The following C12orf54 variants were observed in gnomAD, a reference collection of about 807,000 sequenced individuals.
C12orf54 encodes the protein chromosome 12 open reading frame 54.
In C12orf54, 24 loss-of-function variants were observed where a neutral mutation model predicts 26.4. The ratio of observed to expected loss-of-function variants is 0.91; its 90% CI spans 0.66 to 1.28. C12orf54 has a LOEUF of 1.28. C12orf54 is among the 50% of genes most tolerant of loss of function. The pLI is 0.00. For synonymous variants in C12orf54, 54 were observed against 47.0 expected (o/e 1.15, Z -0.61); for missense variants, 154 against 150.9 (o/e 1.02, Z -0.11).
chr12:48,418,008 A>G, the C12orf54 span, among the ~76,000 whole-genome samples: 1 of 152,152 alleles, frequency 6.6e-6, no homozygotes, highest in Non-Finnish European at 1.5e-5. Flanking sequence ...GGTTGATTCC[A>G]TGTCTTTGCT....
the C12orf54 span, among the ~76,000 whole-genome samples, chr12:48,419,926 C>T: frequency 6.6e-6 from 1 of 152,106 alleles, no homozygotes; most frequent in African/African-American, 2.4e-5. Context: ...ATGCCAGGAG[C>T]CTTCCAGGTA....
intron 7 of C12orf54, among the ~76,000 whole-genome samples, chr12:48,494,585 G>A (rs1937869381): frequency 6.6e-6 from 1 of 152,084 alleles, no homozygotes; most frequent in Non-Finnish European, 1.5e-5. Flanking sequence ...GGCTGTAATA[G>A]GTTATGATGC....
At chr12:48,475,555 C>T in the C12orf54 span, among the ~76,000 whole-genome samples, 5 of 152,066 alleles carry the variant, frequency 3.3e-5, no homozygotes, top group African/African-American at 9.7e-5. Flanking sequence ...CATTAAAGGA[C>T]CTGATGGAGC....
the C12orf54 span, among the ~76,000 whole-genome samples, chr12:48,444,772 C>G: frequency 5.9e-5 from 9 of 152,172 alleles, no homozygotes; most frequent in Admixed American, 5.9e-4. Context: ...CTGACTAGAT[C>G]TTTCCCAAAA....
intron 5 of C12orf54, 51 bp downstream of exon 5, chr12:48,489,007 G>T (rs763582652): frequency 1.9e-6 from 3 of 1,566,218 alleles, no homozygotes; most frequent in East Asian, 2.2e-5. Context: ...CATGTGCCTT[G>T]ATCCCATTTT....
the C12orf54 span, among the ~76,000 whole-genome samples, chr12:48,423,096 C>G: frequency 6.6e-6 from 1 of 152,084 alleles, no homozygotes; most frequent in Non-Finnish European, 1.5e-5. Flanking sequence ...TAACATAAAA[C>G]AGTTTACACC....
the C12orf54 span, among the ~76,000 whole-genome samples, chr12:48,444,264 C>G: frequency 9.2e-5 from 14 of 152,138 alleles, no homozygotes; most frequent in African/African-American, 7.2e-5. Flanking sequence ...CTAGAGCAAC[C>G]TGGATTCTTT....
At chr12:48,492,414 A>G (rs972084586) in intron 6 of C12orf54, among the ~76,000 whole-genome samples, 3 of 152,174 alleles carry the variant, frequency 2.0e-5, no homozygotes, top group Non-Finnish European at 4.4e-5. Flanking sequence ...TGCTTAGAGA[A>G]TGCTCTCCTT....
At chr12:48,483,721 T>C (rs1954225169) in intron 2 of C12orf54, among the ~76,000 whole-genome samples, 1 of 151,992 alleles carries the variant, frequency 6.6e-6, no homozygotes, top group South Asian at 2.1e-4. Context: ...TGGCCTACAG[T>C]GGAAAAGAGG....
the C12orf54 span, among the ~76,000 whole-genome samples, chr12:48,462,843 A>G: frequency 1.4e-4 from 21 of 151,990 alleles, no homozygotes; most frequent in South Asian, 4.3e-3. Context: ...GAACAAGGAA[A>G]GAAATCTGCT....
intron 4 of C12orf54, chr12:48,488,614 G>A: frequency 2.4e-6 from 1 of 408,508 alleles, no homozygotes; most frequent in Non-Finnish European, 4.4e-6. Context: ...TTCAGAATAA[G>A]AACCAATTAG....
At chr12:48,479,703 CA>C (rs1359059050), upstream of C12orf54, among the ~76,000 whole-genome samples, 2 of 151,546 alleles carry the variant, frequency 1.3e-5, no homozygotes, top group African/African-American at 4.8e-5. Flanking sequence ...AGTGAATGTA[CA>C]GTTGCTTTTG....
At chr12:48,476,376 A>T in the C12orf54 span, among the ~76,000 whole-genome samples, 4 of 152,230 alleles carry the variant, frequency 2.6e-5, no homozygotes, top group African/African-American at 9.6e-5. Flanking sequence ...TAATGACAGG[A>T]TCAAATTCAC....
intron 6 of C12orf54, among the ~76,000 whole-genome samples, chr12:48,492,138 T>C (rs1937802413): frequency 6.6e-6 from 1 of 152,190 alleles, no homozygotes; most frequent in African/African-American, 2.4e-5. Context: ...TTCTGACTAC[T>C]CTTGGGGTCT....
the C12orf54 span, among the ~76,000 whole-genome samples, chr12:48,457,719 G>A: frequency 6.6e-6 from 1 of 152,142 alleles, no homozygotes. Context: ...CAGAAGCTGT[G>A]AGCCTCTCCA....
chr12:48,421,722 G>A, the C12orf54 span, among the ~76,000 whole-genome samples: 4 of 151,824 alleles, frequency 2.6e-5, no homozygotes, highest in East Asian at 3.9e-4. Flanking sequence ...TAGAGACGGG[G>A]TTTCACCATG....
At chr12:48,454,103 T>A in the C12orf54 span, among the ~76,000 whole-genome samples, 1 of 145,080 alleles carries the variant, frequency 6.9e-6, no homozygotes, top group Non-Finnish European at 1.5e-5. Flanking sequence ...TTTGTTTTTT[T>A]TTTTTTTTTT....
At chr12:48,476,493 G>A in the C12orf54 span, among the ~76,000 whole-genome samples, 1 of 152,144 alleles carries the variant, frequency 6.6e-6, no homozygotes, top group Non-Finnish European at 1.5e-5. Context: ...GCTGTATTCA[G>A]GAAACCTATC....
the C12orf54 span, among the ~76,000 whole-genome samples, chr12:48,428,223 A>G: frequency 6.6e-6 from 1 of 152,092 alleles, no homozygotes; most frequent in Non-Finnish European, 1.5e-5. Flanking sequence ...AAAAGACTGA[A>G]AGAGCACAAA....
Sources: gnomAD v4.1 joint callset for allele counts (sites outside exome capture counted in the v4.1 genomes callset) on GRCh38, gnomAD v4.1.1 for gene constraint, MANE v1.5 for transcripts, NCBI Gene and HGNC (gene_info 2026-07-23, HGNC 2026-07-21) for gene names.